FRMD4A: variants seen among roughly 807,000 people sequenced by gnomAD.
FRMD4A encodes FERM domain-containing protein 4A.
In FRMD4A, 29 loss-of-function variants were observed where a neutral mutation model predicts 129.1. That is an observed-to-expected ratio of 0.22 (90% confidence interval 0.17 to 0.31). FRMD4A has a LOEUF of 0.31. FRMD4A is among the 10% of genes least tolerant of loss of function. The probability of loss-of-function intolerance (pLI) is 1.00; values close to 1 mark genes in which losing one functional copy is unlikely to be tolerated. For missense variants in FRMD4A, 1,272 were observed against 1,375.8 expected (o/e 0.92, Z 1.19); for synonymous variants, 634 against 571.6 (o/e 1.11, Z -1.56).
rs552006296 is a variant in FRMD4A, at chr10:13,723,211, G to C, written c.759+14633C>G. Among the ~76,000 whole-genome samples, 4 of 152,362 alleles carry C rather than the reference G, an allele frequency of 2.6e-5. No homozygotes were observed. In the South Asian group the frequency reaches 6.2e-4, roughly 24 times the overall value. ...GTTAGCTAGGTTTTTATGTTGGTTA[G>C]CTAGGTCACCAAGCTGGTTAGCTAG... is the stretch of plus-strand genomic sequence containing the variant. On this transcript the variant is annotated intron_variant, in intron 12 of 24. Coordinates refer to ENST00000357447, the MANE Select transcript of FRMD4A (RefSeq NM_018027.5).
In FRMD4A at chr10:13,713,918, T is replaced by C. The variant is rs58240632; in HGVS notation, c.760-6805A>G. On this transcript the variant is annotated intron_variant, in intron 12 of 24. Coordinates refer to ENST00000357447, the MANE Select transcript of FRMD4A (RefSeq NM_018027.5). ...ATAATATATACATATATGTAATATA[T>C]ATACATATATAATATATACATATAT... is the stretch of plus-strand genomic sequence containing the variant. Among the ~76,000 whole-genome samples the C allele has an allele frequency of 9.2e-3, 901 of 97,418 alleles. 184 individuals carry two copies. The highest frequency in any genetic ancestry group is 0.01 in the African/African-American group (283 of 27,026). 63.9% of individuals were successfully genotyped at this position (97,418 alleles called of 152,430 possible).
intron 2 of FRMD4A, among the ~76,000 whole-genome samples, chr10:14,247,274 G>C (rs956361993): frequency 2.6e-5 from 4 of 152,188 alleles, no homozygotes; most frequent in African/African-American, 9.7e-5. Context: ...ACTAGAGATA[G>C]ACATTCAGTT....
At chr10:14,050,733 C>T (rs762260503) in intron 2 of FRMD4A, among the ~76,000 whole-genome samples, 1 of 152,154 alleles carries the variant, frequency 6.6e-6, no homozygotes, top group Non-Finnish European at 1.5e-5. Context: ...AATAAAACCC[C>T]TAATGGACAG....
chr10:14,316,606 G>A (rs1479954252), intron 2 of FRMD4A, among the ~76,000 whole-genome samples: 3 of 151,852 alleles, frequency 2.0e-5, no homozygotes, highest in African/African-American at 7.3e-5. Flanking sequence ...GACCTGAGTT[G>A]GTCCTCTCAG....
chr10:14,292,600 TCATCCTGGCTAA>T (rs1251653991), intron 2 of FRMD4A, among the ~76,000 whole-genome samples: 9 of 152,110 alleles, frequency 5.9e-5, no homozygotes, highest in Non-Finnish European at 1.3e-4. Context: ...GAGATTGAGA[TCATCCTGGCTAA>T]CATGGTGAAA....
intron 2 of FRMD4A, among the ~76,000 whole-genome samples, chr10:13,863,433 A>C (rs1252783265): frequency 6.6e-6 from 1 of 151,764 alleles, no homozygotes; most frequent in Non-Finnish European, 1.5e-5. Context: ...AATACAAAAA[A>C]AAAAAAATTA....
intron 2 of FRMD4A, among the ~76,000 whole-genome samples, chr10:13,986,538 C>G (rs2095582051): frequency 7.0e-6 from 1 of 143,290 alleles, no homozygotes; most frequent in African/African-American, 2.6e-5. Context: ...AGGAGATATA[C>G]CTAATGCTAA....
chr10:13,699,476 G>A lies in FRMD4A; in HGVS notation c.975+1864C>T, dbSNP rs201036384. Among the ~76,000 whole-genome samples the A allele has an allele frequency of 3.9e-5, 6 of 152,212 alleles. No individual in the cohort carries two copies. The South Asian group carries it at 1.0e-3, about 26-fold the overall frequency. On this transcript the variant is annotated intron_variant, in intron 14 of 24. Coordinates refer to ENST00000357447, the MANE Select transcript of FRMD4A (RefSeq NM_018027.5). Reference sequence around the variant, plus strand: ...AACTGCAGAATGAGCCCATCTTCCCGGGTGCAGCAGGAAAGCCATAAGAAC... The same window carrying A: ...AACTGCAGAATGAGCCCATCTTCCCAGGTGCAGCAGGAAAGCCATAAGAAC...
intron 2 of FRMD4A, among the ~76,000 whole-genome samples, chr10:13,939,620 T>C (rs1404887187): frequency 6.6e-6 from 1 of 152,236 alleles, no homozygotes; most frequent in Non-Finnish European, 1.5e-5. Context: ...GATATAAAAG[T>C]ATTCTAATTT....
At chr10:13,653,069 C>CCT in intron 23 of FRMD4A, 1 of 152,120 alleles carries the variant, frequency 6.6e-6, no homozygotes, top group African/African-American at 2.4e-5. Flanking sequence ...GTATTTCCCC[C>CCT]GCAAGGGGAT....
intron 8 of FRMD4A, among the ~76,000 whole-genome samples, chr10:13,752,477 T>G (rs1351682663): frequency 6.6e-6 from 1 of 152,204 alleles, no homozygotes; most frequent in African/African-American, 2.4e-5. Flanking sequence ...AAAGTCCCCC[T>G]GGGTCAAATG....
chr10:13,986,512 G>C (rs867449649), intron 2 of FRMD4A, among the ~76,000 whole-genome samples: 1 of 95,290 alleles, frequency 1.0e-5, no homozygotes, highest in Non-Finnish European at 2.0e-5. Flanking sequence ...TGGGGGGAGG[G>C]GGGAGGGATA....
At chr10:13,655,222 A>C (rs956480589) in intron 22 of FRMD4A, 19 of 152,232 alleles carry the variant, frequency 1.2e-4, no homozygotes, top group African/African-American at 4.6e-4. Flanking sequence ...AACCTCAGAT[A>C]CAGCTTAACA....
chr10:13,818,989 G>A lies in FRMD4A; in HGVS notation c.112-8081C>T, dbSNP rs531776439. Among the ~76,000 whole-genome samples, 43 of 152,186 alleles carry A rather than the reference G, an allele frequency of 2.8e-4. No individual in the cohort carries two copies. In the South Asian group the frequency reaches 4.6e-3, roughly 16 times the overall value. ...AAAAATACAAAAAAATTAGCTGGGC[G>A]TGGTGGCTCATGCCTGTAATCCCAG... is the stretch of plus-strand genomic sequence containing the variant. On this transcript the variant is annotated intron_variant, in intron 3 of 24. Transcript: ENST00000357447.
intron 2 of FRMD4A, among the ~76,000 whole-genome samples, chr10:14,209,578 G>A (rs188244362): frequency 1.3e-5 from 2 of 152,184 alleles, no homozygotes; most frequent in East Asian, 3.9e-4. Context: ...AAAATTAGCC[G>A]GGCATGGTGG....
chr10:13,922,092 G>A (rs2095079648), intron 2 of FRMD4A, among the ~76,000 whole-genome samples: 1 of 152,182 alleles, frequency 6.6e-6, no homozygotes, highest in African/African-American at 2.4e-5. Flanking sequence ...CAAGAAGGTG[G>A]CCGTCTGCAA....
intron 2 of FRMD4A, among the ~76,000 whole-genome samples, chr10:13,996,142 G>A (rs182845566): frequency 2.6e-4 from 40 of 152,218 alleles, no homozygotes; most frequent in Non-Finnish European, 4.7e-4. Flanking sequence ...AGCTTTTGAG[G>A]GCCTCTTTTA....
chr10:13,917,305 T>TTTTAC, intron 2 of FRMD4A, among the ~76,000 whole-genome samples: 1 of 147,862 alleles, frequency 6.8e-6, no homozygotes, highest in Non-Finnish European at 1.5e-5. Context: ...TTTTTTGAGA[T>TTTTAC]GGAGACTCGC....
At chr10:14,271,561 G>C (rs1226154931) in intron 2 of FRMD4A, among the ~76,000 whole-genome samples, 1 of 152,248 alleles carries the variant, frequency 6.6e-6, no homozygotes, top group Non-Finnish European at 1.5e-5. Context: ...CCACCAGGAA[G>C]TGATTTTTCT....
Sources: gnomAD v4.1 joint callset for allele counts (sites outside exome capture counted in the v4.1 genomes callset) on GRCh38, gnomAD v4.1.1 for gene constraint, MANE v1.5 for transcripts, NCBI Gene and HGNC (gene_info 2026-07-23, HGNC 2026-07-21) for gene names.